ATG2B: variants seen among roughly 807,000 people sequenced by gnomAD.
The protein encoded by ATG2B is autophagy-related protein 2 homolog B.
ATG2B carries 121 observed loss-of-function variants against 241.3 expected under a neutral mutation model. The ratio of observed to expected loss-of-function variants is 0.50; its 90% confidence interval spans 0.43 to 0.58. The LOEUF (loss-of-function observed/expected upper bound fraction) is 0.58, where lower values mean the gene tolerates loss of function less well. ATG2B is among the 20% of genes least tolerant of loss of function. The pLI is 0.00. For synonymous variants in ATG2B, 858 were observed against 876.6 expected (o/e 0.98, Z 0.37); for missense variants, 2,306 against 2,491.6 (o/e 0.93, Z 1.59).
chr14:96,316,767 T>A (rs1887324962), intron 20 of ATG2B, 84 bp from the exon 21 acceptor site: 3 of 1,244,134 alleles, frequency 2.4e-6, no homozygotes, highest in Non-Finnish European at 3.4e-6. Flanking sequence ...CTTTGTTGAT[T>A]CAGCTTAGGA....
intron 7 of ATG2B, 40 bp from the exon 8 acceptor site, chr14:96,333,913 T>C (rs1566729355): frequency 1.3e-6 from 2 of 1,552,008 alleles, no homozygotes; most frequent in Non-Finnish European, 1.8e-6. Flanking sequence ...GTAATTAAAT[T>C]TGGAGTTAAT....
At chr14:96,318,498 T>C (rs556128374) in intron 18 of ATG2B, among the ~76,000 whole-genome samples, 1 of 152,268 alleles carries the variant, frequency 6.6e-6, no homozygotes, top group African/African-American at 2.4e-5. Context: ...ATCAATTCAG[T>C]TCTTTCCCTA....
intron 1 of ATG2B, 117 bp from the exon 2 acceptor site, chr14:96,347,458 G>A (rs1192337395): frequency 7.1e-6 from 5 of 704,440 alleles, no homozygotes; most frequent in Non-Finnish European, 1.1e-5. Context: ...AAAGAAAGCA[G>A]AGACTTCCAC....
intron 29 of ATG2B, among the ~76,000 whole-genome samples, chr14:96,307,566 G>T (rs186954813): frequency 1.3e-5 from 2 of 152,288 alleles, no homozygotes; most frequent in African/African-American, 4.8e-5. Context: ...GCTTTACCCA[G>T]AATTTCACCT....
At chr14:96,310,617 A>ATCCTAT (rs1189895001) in intron 28 of ATG2B, among the ~76,000 whole-genome samples, 1 of 152,174 alleles carries the variant, frequency 6.6e-6, no homozygotes, top group East Asian at 1.9e-4. Flanking sequence ...GGGTCTTATT[A>ATCCTAT]ATTTTTAACC....
rs1887817488 is a variant in ATG2B, at chr14:96,334,414, C to G, written c.1012G>C (p.Ala338Pro). ...ACAGAATTATACTTGCCTGGTCCAG[C>G]AATAGCTGCCAACATATCCAAAAGC... ...HLLLDMLAAI[A>P]GPENSSKIGL... Residue 338 changes from alanine to proline, a missense_variant, in exon 7 of 42, where the codon GCT (alanine) becomes CCT (proline). Physicochemically the swap from Ala to Pro is conservative, Grantham distance 27. Coordinates refer to ENST00000359933, the MANE Select transcript of ATG2B (RefSeq NM_018036.7). 6.2e-7 allele frequency: 1 copy of G among 1,604,976 alleles called. No individual in the cohort carries two copies. The highest frequency in any genetic ancestry group is 8.5e-7 in the Non-Finnish European group (1 of 1,176,158).
chr14:96,343,401 T>A (rs559301493), intron 4 of ATG2B, 120 bp from the exon 5 acceptor site: 3 of 302,856 alleles, frequency 9.9e-6, no homozygotes, highest in Admixed American at 1.0e-4. Flanking sequence ...AAACTTAAAG[T>A]ATAATAATAA....
chr14:96,342,750 T>G (rs1888075202), intron 5 of ATG2B, among the ~76,000 whole-genome samples: 1 of 151,824 alleles, frequency 6.6e-6, no homozygotes, highest in Non-Finnish European at 1.5e-5. Context: ...TAAATGAGTT[T>G]TATGAGTTTT....
intron 41 of ATG2B, 96 bp from the exon 42 acceptor site, chr14:96,286,081 G>A (rs1886329354): frequency 2.3e-6 from 2 of 883,516 alleles, no homozygotes; most frequent in Non-Finnish European, 3.5e-6. Context: ...TTTTAAAGCA[G>A]GTAACATTAT....
At chr14:96,292,160 ATAAAT>A in intron 36 of ATG2B, 62 bp from the exon 37 acceptor site, 2 of 1,058,688 alleles carry the variant, frequency 1.9e-6, no homozygotes, top group Non-Finnish European at 2.8e-6. Context: ...GAAATTAGAT[ATAAAT>A]TAATTTGTTC....
chr14:96,355,475 T>C (rs1454448879), intron 1 of ATG2B, among the ~76,000 whole-genome samples: 1 of 152,138 alleles, frequency 6.6e-6, no homozygotes, highest in African/African-American at 2.4e-5. Context: ...CAGCATATGT[T>C]CAGGTTACTT....
At chr14:96,343,343 A>G (rs1305140108) in intron 4 of ATG2B, 62 bp from the exon 5 acceptor site, 3 of 1,222,682 alleles carry the variant, frequency 2.5e-6, no homozygotes, top group Non-Finnish European at 3.3e-6. Context: ...CCAGCATGGC[A>G]CATGTATACA....
chr14:96,281,202 A>AT lies in ATG2B; in HGVS notation c.*4552dup, dbSNP rs1176976966. The AT allele has an allele frequency of 1.3e-5, 2 of 152,194 alleles. No individual in the cohort carries two copies. Among genetic ancestry groups the AT allele is most frequent in the African/African-American group, 2.4e-5 (1 of 41,440 alleles). The allele number at this position is 152,194 out of a possible 1,614,324, so 9.4% of individuals were successfully genotyped here. On this transcript the variant is annotated 3_prime_UTR_variant, in exon 42 of 42. Transcript: ENST00000359933. ...AGATGTACACCCCACCCCAATAAGT[A>AT]TTTTACACAAGTTTTGGGAACACTT...
chr14:96,298,647 G>A (rs1363719241), intron 34 of ATG2B, among the ~76,000 whole-genome samples: 2 of 152,142 alleles, frequency 1.3e-5, no homozygotes, highest in East Asian at 1.9e-4. Context: ...AAGACTTAAC[G>A]CTAAGTACAG....
chr14:96,315,303 G>T, intron 22 of ATG2B, 69 bp from the exon 23 acceptor site: 4 of 1,583,924 alleles, frequency 2.5e-6, no homozygotes, highest in Non-Finnish European at 3.5e-6. Flanking sequence ...GTTTTTCCAA[G>T]AAAATAAATA....
intron 1 of ATG2B, among the ~76,000 whole-genome samples, chr14:96,352,026 TA>T (rs1214978580): frequency 6.6e-6 from 1 of 152,138 alleles, no homozygotes; most frequent in East Asian, 1.9e-4. Context: ...AAGTAACACT[TA>T]AAGCCCCATG....
At chr14:96,362,216 G>C (rs1345184425) in intron 1 of ATG2B, among the ~76,000 whole-genome samples, 1 of 152,074 alleles carries the variant, frequency 6.6e-6, no homozygotes, top group Non-Finnish European at 1.5e-5. Context: ...AGCACTACTA[G>C]GGCCAGACGA....
chr14:96,326,890 C>T (rs1887600626), intron 14 of ATG2B, among the ~76,000 whole-genome samples: 1 of 152,150 alleles, frequency 6.6e-6, no homozygotes, highest in African/African-American at 2.4e-5. Flanking sequence ...TCTATTCTAA[C>T]TCTCCCCATT....
At position 96,285,976 on chromosome 14, in the gene ATG2B, C is replaced by T; in HGVS notation, c.6016G>A (p.Asp2006Asn). 1 of 1,611,808 alleles carries T rather than the reference C, an allele frequency of 6.2e-7. No individual in the cohort carries two copies. The highest frequency in any genetic ancestry group is 8.5e-7 in the Non-Finnish European group (1 of 1,178,684). ...GTTTCATAAATGGTCTGAGCCGTGT[C>T]TGTGATTCCCTGCGTAGAGGAGGGA... is the stretch of plus-strand genomic sequence containing the variant. ...AYSVVKEGITDTAQTIYETAA... is the reference protein window; with the variant it reads ...AYSVVKEGITNTAQTIYETAA... Residue 2006 changes from aspartate (D) to asparagine (N), a missense_variant, in exon 42 of 42, where the codon GAC becomes AAC. Physicochemically the swap from Asp to Asn is conservative, Grantham distance 23 (BLOSUM62 1). Around this residue, in one of 2 missense-constraint regions of ATG2B, gnomAD observed 379 missense variants for 480.4 expected, o/e 0.79. Transcript: ENST00000359933. This position sits in a 1 kb window ranked among gnomAD's most constrained non-coding sequence, Gnocchi z 4.2.
Sources: gnomAD v4.1 joint callset for allele counts (sites outside exome capture counted in the v4.1 genomes callset) on GRCh38, gnomAD v4.1.1 for gene constraint, gnomAD v4.1.1 regional missense constraint, Gnocchi (gnomAD v3.1) non-coding constraint, MANE v1.5 for transcripts, NCBI Gene and HGNC (gene_info 2026-07-23, HGNC 2026-07-21) for gene names.